GNAQ: variants seen among roughly 807,000 people sequenced by gnomAD.
The protein encoded by GNAQ is guanine nucleotide-binding protein G(q) subunit alpha.
A neutral mutation model predicts 43.9 loss-of-function variants in GNAQ; 8 were observed. That is an observed-to-expected ratio of 0.18 (90% CI 0.11 to 0.33). The LOEUF (loss-of-function observed/expected upper bound fraction) is 0.33. GNAQ is among the 10% of genes least tolerant of loss of function. The probability of loss-of-function intolerance (pLI) is 1.00; values close to 1 mark genes in which losing one functional copy is unlikely to be tolerated. For synonymous variants in GNAQ, 155 were observed against 170.7 expected (o/e 0.91, Z 0.71); for missense variants, 158 against 450.8 (o/e 0.35, Z 5.88).
At chr9:77,745,611 C>CA (rs5898559) in intron 5 of GNAQ, among the ~76,000 whole-genome samples, 1 of 151,316 alleles carries the variant, frequency 6.6e-6, no homozygotes, top group South Asian at 2.1e-4. Context: ...TGCACACACA[C>CA]AAAAAAAAAA....
chr9:77,893,670 G>A (rs1319546239), intron 2 of GNAQ, among the ~76,000 whole-genome samples: 1 of 152,146 alleles, frequency 6.6e-6, no homozygotes, highest in African/African-American at 2.4e-5. Context: ...TTGGCGTCTG[G>A]ATGGGGATCC....
At chr9:77,844,984 C>CT (rs1165528800) in intron 2 of GNAQ, among the ~76,000 whole-genome samples, 2 of 152,132 alleles carry the variant, frequency 1.3e-5, no homozygotes, top group Non-Finnish European at 2.9e-5. Flanking sequence ...AATTAGAAAT[C>CT]TTTTTAAAAA....
rs114513715 is a variant in GNAQ at position 77,981,426 on chromosome 9, C to T, written c.136+49674G>A. 7.0e-3 allele frequency among the ~76,000 whole-genome samples: 1,064 copies of T among 152,316 alleles called. 18 individuals carry two copies. The highest frequency in any genetic ancestry group is 0.024 in the African/African-American group (988 of 41,564). On this transcript the variant is annotated intron_variant, in intron 1 of 6. Transcript: ENST00000286548. ...TTCCTTTGCAAGAGGCTGTGCCCTACAGGCCATGTGAAGACGCTGAAGGCA... is the reference window on the plus strand; with the variant it reads ...TTCCTTTGCAAGAGGCTGTGCCCTATAGGCCATGTGAAGACGCTGAAGGCA...
intron 5 of GNAQ, among the ~76,000 whole-genome samples, chr9:77,737,292 G>GCTCTATTGCA (rs1410453278): frequency 1.3e-5 from 2 of 152,182 alleles, no homozygotes; most frequent in Admixed American, 6.5e-5. Flanking sequence ...TTTAAAAACT[G>GCTCTATTGCA]CTCTATTGCA....
intron 2 of GNAQ, among the ~76,000 whole-genome samples, chr9:77,861,038 G>C (rs1338576851): frequency 6.6e-6 from 1 of 152,148 alleles, no homozygotes; most frequent in Non-Finnish European, 1.5e-5. Context: ...CTCAAGACTT[G>C]GCAATTTACA....
At chr9:77,763,326 A>G (rs1354064429) in intron 5 of GNAQ, among the ~76,000 whole-genome samples, 3 of 152,146 alleles carry the variant, frequency 2.0e-5, no homozygotes, top group Non-Finnish European at 2.9e-5. Context: ...TGTTGTGATG[A>G]TAATATTTTT....
intron 2 of GNAQ, among the ~76,000 whole-genome samples, chr9:77,866,672 G>A (rs1181381750): frequency 1.3e-5 from 2 of 151,950 alleles, no homozygotes; most frequent in Non-Finnish European, 2.9e-5. Context: ...GTTATAAAAA[G>A]AATATAAAAA....
intron 1 of GNAQ, among the ~76,000 whole-genome samples, chr9:77,935,907 G>T (rs910120722): frequency 6.6e-6 from 1 of 152,056 alleles, no homozygotes; most frequent in African/African-American, 2.4e-5. Flanking sequence ...AAATAAATGC[G>T]GGTTTCCTTA....
intron 2 of GNAQ, among the ~76,000 whole-genome samples, chr9:77,856,606 T>C (rs1827759401): frequency 6.6e-6 from 1 of 152,118 alleles, no homozygotes; most frequent in Non-Finnish European, 1.5e-5. Context: ...TGCCCCGAAC[T>C]TCAGAATTTC....
intron 2 of GNAQ, among the ~76,000 whole-genome samples, chr9:77,837,689 G>C (rs1827413526): frequency 6.6e-6 from 1 of 151,008 alleles, no homozygotes; most frequent in Non-Finnish European, 1.5e-5. Context: ...TAAATATATT[G>C]GCATGAAAAG....
At chr9:77,989,637 C>T (rs1023786158) in intron 1 of GNAQ, among the ~76,000 whole-genome samples, 2 of 152,224 alleles carry the variant, frequency 1.3e-5, no homozygotes, top group African/African-American at 4.8e-5. Context: ...GGGCCTAAGG[C>T]AACAGGATCC....
chr9:77,909,317 C>T (rs1828760964), intron 2 of GNAQ, among the ~76,000 whole-genome samples: 1 of 152,162 alleles, frequency 6.6e-6, no homozygotes, highest in African/African-American at 2.4e-5. Flanking sequence ...ATCCTGTTGC[C>T]ATCCACCAGC....
chr9:78,016,546 G>A (rs1222563819), intron 1 of GNAQ, among the ~76,000 whole-genome samples: 3 of 151,986 alleles, frequency 2.0e-5, no homozygotes, highest in Admixed American at 6.6e-5. Context: ...TTAGCCAGGC[G>A]TCCCAGCTAC....
Position 77,721,231 on chromosome 9 carries a change from T to A in GNAQ, c.*92A>T. 1.3e-6 allele frequency: 1 copy of A among 753,320 alleles called. No homozygotes were observed. Among genetic ancestry groups the A allele is most frequent in the Non-Finnish European group, 2.2e-6 (1 of 449,580 alleles). 46.7% of individuals were successfully genotyped at this position (753,320 alleles called of 1,614,324 possible). ...GTCCAGGACGGCAATAAATTAGTAT[T>A]ATGCAAATTGTTTTCCACAGAAATA... On this transcript the variant is annotated 3_prime_UTR_variant, in exon 7 of 7. Coordinates refer to ENST00000286548, the MANE Select transcript of GNAQ (RefSeq NM_002072.5).
rs117719504 is a variant in GNAQ at position 77,744,498 on chromosome 9, C to T, written c.736-15831G>A. ...ATGTGTCTCTAAAAGTAACACCAGC[C>T]GTAAAAGATTTAGACAGTCTGAAAG... On this transcript the variant is annotated intron_variant, in intron 5 of 6. Transcript: ENST00000286548. Among the ~76,000 whole-genome samples, 817 of 152,116 alleles carry T rather than the reference C, an allele frequency of 5.4e-3. 9 individuals carry two copies. The highest frequency in any genetic ancestry group is 0.017 in the Middle Eastern group (5 of 294).
At chr9:77,949,865 C>T (rs1454132428) in intron 1 of GNAQ, among the ~76,000 whole-genome samples, 1 of 152,150 alleles carries the variant, frequency 6.6e-6, no homozygotes, top group Non-Finnish European at 1.5e-5. Flanking sequence ...TTCTCCAATT[C>T]CCCCTTGAAT....
chr9:77,941,171 G>A (rs796131747), intron 1 of GNAQ, among the ~76,000 whole-genome samples: 4 of 152,002 alleles, frequency 2.6e-5, no homozygotes, highest in African/African-American at 7.3e-5. Context: ...GAAATCTAAG[G>A]CAAAATTGGA....
intron 5 of GNAQ, among the ~76,000 whole-genome samples, chr9:77,732,983 TG>T (rs1384896900): frequency 1.3e-5 from 2 of 152,164 alleles, no homozygotes; most frequent in African/African-American, 2.4e-5. Context: ...GTGTGTGTCC[TG>T]GTTGGTCTCT....
intron 5 of GNAQ, among the ~76,000 whole-genome samples, chr9:77,762,425 G>A (rs1428395039): frequency 2.5e-5 from 3 of 118,412 alleles, no homozygotes; most frequent in Admixed American, 2.4e-4. Context: ...GGAGGGAGGT[G>A]GGGGGGTCAG....
Sources: allele counts gnomAD v4.1 joint callset (sites outside exome capture counted in the v4.1 genomes callset), GRCh38; gene constraint gnomAD v4.1.1; transcripts MANE v1.5; gene names NCBI Gene and HGNC (gene_info 2026-07-23, HGNC 2026-07-21).